Variants in MRPS28 observed in about 807,000 individuals in gnomAD.
MRPS28 encodes the protein small ribosomal subunit protein bS1m.
In MRPS28, 7 loss-of-function variants were observed where a neutral mutation model predicts 10.8. The ratio of observed to expected loss-of-function variants is 0.65; its 90% CI spans 0.37 to 1.22. MRPS28 has a LOEUF of 1.22. Among genes scored for constraint, MRPS28 ranks in the 50% most tolerant of loss-of-function variants. The pLI, the probability that MRPS28 is intolerant of heterozygous loss-of-function variation, is 0.02. For synonymous variants in MRPS28, 121 were observed against 93.3 expected (o/e 1.30, Z -1.71); for missense variants, 265 against 232.9 (o/e 1.14, Z -0.90).
intron 2 of MRPS28, among the ~76,000 whole-genome samples, chr8:79,930,858 C>A (rs1276611905): frequency 5.3e-5 from 8 of 152,046 alleles, no homozygotes; most frequent in African/African-American, 1.9e-4. Context: ...AAATAAAATT[C>A]TGCAAAAAAA....
chr8:79,969,162 T>C (rs917594464), intron 2 of MRPS28, among the ~76,000 whole-genome samples: 3 of 152,230 alleles, frequency 2.0e-5, no homozygotes, highest in Admixed American at 1.3e-4. Context: ...CCCTTGTTAG[T>C]TGTGGTACCA....
chr8:79,937,686 A>C (rs1019387923), intron 2 of MRPS28, among the ~76,000 whole-genome samples: 2 of 152,224 alleles, frequency 1.3e-5, no homozygotes. Context: ...CGTTCTTTTT[A>C]CCTTTCATAG....
chr8:80,027,453 G>A (rs1039850514), intron 1 of MRPS28, among the ~76,000 whole-genome samples: 1 of 152,318 alleles, frequency 6.6e-6, no homozygotes, highest in Admixed American at 6.5e-5. Flanking sequence ...AATGGCAGTA[G>A]GCCTCTGAAG....
intron 2 of MRPS28, among the ~76,000 whole-genome samples, chr8:79,919,625 C>A (rs752786023): frequency 8.5e-5 from 13 of 152,080 alleles, no homozygotes; most frequent in Non-Finnish European, 1.9e-4. Context: ...TGAGTCACTG[C>A]CAGCTCTAGA....
chr8:79,941,984 A>G (rs771246507), intron 2 of MRPS28, among the ~76,000 whole-genome samples: 16 of 152,216 alleles, frequency 1.1e-4, no homozygotes, highest in Non-Finnish European at 1.9e-4. Context: ...AACTTAACTT[A>G]ATGTAGTCAG....
intron 2 of MRPS28, among the ~76,000 whole-genome samples, chr8:79,975,935 TGTA>T (rs1192174396): frequency 2.0e-5 from 3 of 152,154 alleles, no homozygotes; most frequent in Non-Finnish European, 4.4e-5. Context: ...TTAAAGAAGT[TGTA>T]GTAGTAAAAT....
rs572007016 is a variant in MRPS28 at position 80,007,040 on chromosome 8, G to A, written c.214-3860C>T. ...ATCCTCAATAAAATACTGGCAAACC[G>A]AATCCAGCAGCACATCAAAAAGCTT... is the stretch of plus-strand genomic sequence containing the variant. On this transcript the variant is annotated intron_variant, in intron 1 of 2. Coordinates refer to ENST00000276585, the MANE Select transcript of MRPS28 (RefSeq NM_014018.3). Among the ~76,000 whole-genome samples, 474 of 152,218 alleles carry A rather than the reference G, an allele frequency of 3.1e-3. 1 individual carries two copies. The highest frequency in any genetic ancestry group is 0.011 in the African/African-American group (456 of 41,522).
In MRPS28 at chr8:79,942,414, T is replaced by C. The variant is rs111608525; in HGVS notation, c.396-23266A>G. ...GCTGTTTCAAGAACTATGTTCAAAATGAAGGCATGATGACATCTTTGGGAT... is the reference window on the plus strand; with the variant it reads ...GCTGTTTCAAGAACTATGTTCAAAACGAAGGCATGATGACATCTTTGGGAT... On this transcript the variant is annotated intron_variant, in intron 2 of 2. Transcript: ENST00000276585. Among the ~76,000 whole-genome samples the C allele has an allele frequency of 7.4e-3, 1,125 of 152,308 alleles. 17 individuals carry two copies. The highest frequency in any genetic ancestry group is 0.014 in the Middle Eastern group (4 of 294).
At chr8:79,968,600 C>T (rs1038951607) in intron 2 of MRPS28, among the ~76,000 whole-genome samples, 10 of 152,080 alleles carry the variant, frequency 6.6e-5, no homozygotes, top group African/African-American at 2.4e-4. Flanking sequence ...CCCTTCTCAA[C>T]CTTTCTCACA....
At chr8:79,947,531 T>C (rs139240227) in intron 2 of MRPS28, among the ~76,000 whole-genome samples, 12 of 152,170 alleles carry the variant, frequency 7.9e-5, no homozygotes, top group Admixed American at 4.6e-4. Context: ...TTCCTTCTAA[T>C]CATCTCTCCA....
chr8:80,029,924 G>A (rs1339245058), intron 1 of MRPS28, 112 bp downstream of exon 1: 4 of 1,535,730 alleles, frequency 2.6e-6, no homozygotes, highest in Admixed American at 3.9e-5. Flanking sequence ...GGAAAACTGG[G>A]CCCCGGACCT....
intron 1 of MRPS28, among the ~76,000 whole-genome samples, chr8:80,009,685 AG>A (rs1808977150): frequency 6.6e-6 from 1 of 152,032 alleles, no homozygotes; most frequent in Non-Finnish European, 1.5e-5. Context: ...GTGATAGTCC[AG>A]GGTGAGGTCT....
chr8:79,946,340 A>G (rs549992483), intron 2 of MRPS28, among the ~76,000 whole-genome samples: 1 of 152,146 alleles, frequency 6.6e-6, no homozygotes, highest in Non-Finnish European at 1.5e-5. Context: ...TACTTGAAGT[A>G]AAGAAGAAAT....
chr8:79,950,405 T>G (rs1317389005), intron 2 of MRPS28, among the ~76,000 whole-genome samples: 2 of 152,194 alleles, frequency 1.3e-5, no homozygotes, highest in Non-Finnish European at 2.9e-5. Flanking sequence ...GTAAGTTAAT[T>G]CATTAAATAT....
At chr8:79,928,486 C>G (rs1490269074) in intron 2 of MRPS28, among the ~76,000 whole-genome samples, 1 of 152,002 alleles carries the variant, frequency 6.6e-6, no homozygotes, top group Non-Finnish European at 1.5e-5. Flanking sequence ...GTCACTCAGA[C>G]TGGAATACTG....
chr8:79,946,723 C>A (rs1296549430), intron 2 of MRPS28, among the ~76,000 whole-genome samples: 1 of 152,094 alleles, frequency 6.6e-6, no homozygotes, highest in Admixed American at 6.5e-5. Flanking sequence ...ATTTTCCTAA[C>A]CTTTTCAGTA....
intron 2 of MRPS28, among the ~76,000 whole-genome samples, chr8:79,939,770 A>C (rs931570406): frequency 1.3e-5 from 2 of 152,064 alleles, no homozygotes; most frequent in African/African-American, 2.4e-5. Context: ...GGAGATCGAG[A>C]CCATCCTAGC....
chr8:79,982,759 G>A lies in MRPS28; in HGVS notation c.395+20240C>T, dbSNP rs571430452. Among the ~76,000 whole-genome samples the A allele has an allele frequency of 1.6e-4, 25 of 152,318 alleles. 1 individual carries two copies. Among genetic ancestry groups the A allele is most frequent in the Middle Eastern group, 6.8e-3 (2 of 294 alleles). ...GCTTGCTTAGGTAAACAAAGCAGCC[G>A]GGAAGCTCGAACTGGGTGGAGCCCA... On this transcript the variant is annotated intron_variant, in intron 2 of 2. Transcript: ENST00000276585.
chr8:79,956,577 C>T (rs988533784), intron 2 of MRPS28: 1 of 152,116 alleles, frequency 6.6e-6, no homozygotes, highest in Non-Finnish European at 1.5e-5. Context: ...TATTTCATCA[C>T]CCAGGTATTA....
Sources: allele counts gnomAD v4.1 joint callset (sites outside exome capture counted in the v4.1 genomes callset), GRCh38; gene constraint gnomAD v4.1.1; transcripts MANE v1.5; gene names NCBI Gene and HGNC (gene_info 2026-07-23, HGNC 2026-07-21).